DEPDC5: variants seen among roughly 807,000 people sequenced by gnomAD.
The protein encoded by DEPDC5 is GATOR1 complex protein DEPDC5.
A neutral mutation model predicts 217.3 loss-of-function variants in DEPDC5; 73 were observed. The observed-to-expected ratio is 0.34, with a 90% CI of 0.28 to 0.41. The LOEUF is 0.41. Among genes scored for constraint, DEPDC5 ranks in the 10% least tolerant of loss-of-function variants. DEPDC5 has a pLI of 1.00. For synonymous variants in DEPDC5, 733 were observed against 756.7 expected (o/e 0.97, Z 0.51); for missense variants, 1,675 against 2,070.1 (o/e 0.81, Z 3.70).
rs1294476790 is a variant in DEPDC5 at position 31,861,357 on chromosome 22, T to C, written c.3265-11T>C. ...AACTGCTGCTGCTGCTTCCTCCTCC[T>C]GTGACTTCAGGACGGGGCCTTCTTT... is the stretch of plus-strand genomic sequence containing the variant. On this transcript the variant is annotated splice_polypyrimidine_tract_variant and intron_variant, in intron 32 of 42. Transcript: ENST00000651528. The C allele has an allele frequency of 6.4e-7, 1 of 1,551,456 alleles. No individual in the cohort carries two copies. Among genetic ancestry groups the C allele is most frequent in the East Asian group, 2.4e-5 (1 of 40,900 alleles).
chr22:31,784,056 A>T, intron 9 of DEPDC5, 71 bp downstream of exon 9: 1 of 1,278,034 alleles, frequency 7.8e-7, no homozygotes, highest in Non-Finnish European at 1.1e-6. Flanking sequence ...CTAATTCATG[A>T]ATGCCCAGGG....
At chr22:31,796,861 T>C (rs532652498) in intron 12 of DEPDC5, among the ~76,000 whole-genome samples, 1 of 152,188 alleles carries the variant, frequency 6.6e-6, no homozygotes, top group East Asian at 1.9e-4. Context: ...CACACCCAGC[T>C]AATTTTTGTA....
intron 28 of DEPDC5, 110 bp from the exon 29 acceptor site, chr22:31,843,535 G>A (rs1209035180): frequency 7.5e-7 from 1 of 1,328,330 alleles, no homozygotes; most frequent in East Asian, 2.3e-5. Flanking sequence ...TACTACAGTT[G>A]AGGGGTAAAT....
Position 31,781,882 on chromosome 22 carries a change from T to G in DEPDC5, c.484-2025T>G, listed in dbSNP as rs2084484373. On this transcript the variant is annotated intron_variant, in intron 8 of 42. Coordinates refer to ENST00000651528, the MANE Select transcript of DEPDC5 (RefSeq NM_001242896.3). ...AGACCCCATCTCTAAAAAGAAAAAT[T>G]TAGCCAGGGGTAGTGGCCCACACCT... Among the ~76,000 whole-genome samples, 8 of 151,902 alleles carry G rather than the reference T, an allele frequency of 5.3e-5. 1 individual carries two copies. The South Asian group carries it at 1.7e-3, about 32-fold the overall frequency.
intron 26 of DEPDC5, among the ~76,000 whole-genome samples, chr22:31,838,278 A>G (rs1358037148): frequency 1.3e-5 from 2 of 151,644 alleles, no homozygotes; most frequent in Non-Finnish European, 2.9e-5. Flanking sequence ...GTTTTTTTTC[A>G]TATTTTCTAT....
intron 24 of DEPDC5, 64 bp downstream of exon 24, chr22:31,822,854 C>T (rs2089830634): frequency 6.6e-7 from 1 of 1,517,770 alleles, no homozygotes; most frequent in Non-Finnish European, 9.1e-7. Context: ...GGAAATGACA[C>T]AAGGGCCAGA....
intron 16 of DEPDC5, 88 bp downstream of exon 16, chr22:31,804,311 A>T: frequency 7.8e-7 from 1 of 1,287,096 alleles, no homozygotes; most frequent in South Asian, 1.2e-5. Context: ...ATGCACTTAT[A>T]GTCCCACTTA....
chr22:31,814,810 T>C (rs1299029690), intron 20 of DEPDC5, 182 bp from the exon 21 acceptor site: 2 of 618,774 alleles, frequency 3.2e-6, no homozygotes, highest in South Asian at 3.9e-5. Context: ...CCCCCCTCTC[T>C]TATATAACAT....
intron 24 of DEPDC5, 58 bp downstream of exon 24, chr22:31,822,848 A>G: frequency 1.3e-6 from 2 of 1,546,372 alleles, no homozygotes; most frequent in South Asian, 2.3e-5. Context: ...ACATCTGGAA[A>G]TGACACAAGG....
At chr22:31,807,005 T>A (rs2087624027) in intron 18 of DEPDC5, among the ~76,000 whole-genome samples, 1 of 152,154 alleles carries the variant, frequency 6.6e-6, no homozygotes, top group South Asian at 2.1e-4. Context: ...AAGTGAGATC[T>A]TGTCTCTGGA....
chr22:31,757,277 G>T (rs2082011098), intron 2 of DEPDC5: 1 of 152,156 alleles, frequency 6.6e-6, no homozygotes. Context: ...GGGCCCAGGA[G>T]TTCCAGACTA....
At chr22:31,869,772 C>G (rs911400703) in intron 33 of DEPDC5, among the ~76,000 whole-genome samples, 12 of 151,924 alleles carry the variant, frequency 7.9e-5, no homozygotes, top group African/African-American at 2.9e-4. Context: ...TCCTGTGAGT[C>G]GGTTTTCAGT....
chr22:31,899,053 T>C (rs2093603457), intron 40 of DEPDC5, among the ~76,000 whole-genome samples: 1 of 152,224 alleles, frequency 6.6e-6, no homozygotes, highest in African/African-American at 2.4e-5. Flanking sequence ...AAAGACTCTT[T>C]GGGGGTTTTT....
intron 41 of DEPDC5, 114 bp downstream of exon 41, chr22:31,901,916 C>A: frequency 1.1e-6 from 1 of 946,568 alleles, no homozygotes; most frequent in Non-Finnish European, 1.6e-6. Context: ...TGTATTCCAC[C>A]AATGGCAAAT....
chr22:31,792,105 G>T lies in DEPDC5; in HGVS notation c.694+3G>T. ...TTTCTATGATGCAAAATCTGTTGGT[G>T]AGTAACTATTTCTCTCCTACAGTTA... On this transcript the variant is annotated splice_donor_region_variant and intron_variant, in intron 11 of 42. Coordinates refer to ENST00000651528, the MANE Select transcript of DEPDC5 (RefSeq NM_001242896.3). 6.2e-7 allele frequency: 1 copy of T among 1,602,362 alleles called. No homozygotes were observed. The highest frequency in any genetic ancestry group is 1.1e-5 in the South Asian group (1 of 90,802).
chr22:31,872,486 AG>A (rs1650307881), intron 34 of DEPDC5, among the ~76,000 whole-genome samples: 1 of 152,226 alleles, frequency 6.6e-6, no homozygotes, highest in Non-Finnish European at 1.5e-5. Context: ...GCTGAGGCCA[AG>A]AAAAGCTATG....
chr22:31,786,892 C>T (rs1289292746), intron 10 of DEPDC5, among the ~76,000 whole-genome samples: 1 of 151,994 alleles, frequency 6.6e-6, no homozygotes, highest in South Asian at 2.1e-4. Flanking sequence ...AGTTCTCCTG[C>T]CTCACCCTCC....
intron 40 of DEPDC5, among the ~76,000 whole-genome samples, 174 bp downstream of exon 40, chr22:31,897,827 A>G (rs1054606185): frequency 3.3e-5 from 5 of 152,150 alleles, no homozygotes; most frequent in Non-Finnish European, 7.4e-5. Context: ...GTGGCTGGAT[A>G]ACTCTGGACA....
chr22:31,764,509 G>T (rs183195452), intron 4 of DEPDC5, among the ~76,000 whole-genome samples: 1 of 152,146 alleles, frequency 6.6e-6, no homozygotes, highest in African/African-American at 2.4e-5. Flanking sequence ...TCTGTCTCTG[G>T]GGTTCAAGCG....
Sources: gnomAD v4.1 joint callset for allele counts (sites outside exome capture counted in the v4.1 genomes callset) on GRCh38, gnomAD v4.1.1 for gene constraint, MANE v1.5 for transcripts, NCBI Gene and HGNC (gene_info 2026-07-23, HGNC 2026-07-21) for gene names.